Variants in CADM2 observed in about 807,000 individuals in gnomAD.
The protein encoded by CADM2 is immunoglobulin superfamily member 4D.
Under a neutral mutation model 49.8 loss-of-function variants are expected in CADM2, and 12 were observed. The observed-to-expected ratio is 0.24, with a 90% confidence interval of 0.15 to 0.39. CADM2 has a LOEUF of 0.39. Ranked by LOEUF, CADM2 falls within the 10% of genes least tolerant of loss-of-function variation. The pLI is 1.00. For missense variants in CADM2, 378 were observed against 492.3 expected, an observed-to-expected ratio of 0.77 and a Z score of 2.20; for synonymous variants, 214 against 175.4, an observed-to-expected ratio of 1.22 and a Z score of -1.74.
chr3:85,266,863 T>C (rs1046728319), intron 1 of CADM2, among the ~76,000 whole-genome samples: 2 of 151,818 alleles, frequency 1.3e-5, no homozygotes, highest in African/African-American at 4.8e-5. Flanking sequence ...ACTTAAAGCA[T>C]GAAAACATCC....
At chr3:85,087,614 A>G (rs1403708731) in intron 1 of CADM2, among the ~76,000 whole-genome samples, 1 of 152,318 alleles carries the variant, frequency 6.6e-6, no homozygotes, top group East Asian at 1.9e-4. Context: ...CATCTTCAAC[A>G]TGTTACTCTT....
At chr3:85,852,190 T>C (rs951373461) in intron 3 of CADM2, among the ~76,000 whole-genome samples, 1 of 152,114 alleles carries the variant, frequency 6.6e-6, no homozygotes, top group Non-Finnish European at 1.5e-5. Flanking sequence ...ATATACCATC[T>C]ATATGCTACT....
intron 1 of CADM2, among the ~76,000 whole-genome samples, chr3:85,557,154 A>G (rs1003843393): frequency 3.9e-5 from 6 of 152,068 alleles, no homozygotes; most frequent in African/African-American, 1.4e-4. Flanking sequence ...TAGATTTCCT[A>G]TAAGAATGAG....
chr3:85,734,311 C>T (rs1369071068), intron 2 of CADM2, among the ~76,000 whole-genome samples: 1 of 151,902 alleles, frequency 6.6e-6, no homozygotes, highest in Non-Finnish European at 1.5e-5. Flanking sequence ...TCAGGAAATT[C>T]AATGCCCAAA....
At chr3:85,411,447 TATTA>T (rs2035651506) in intron 1 of CADM2, among the ~76,000 whole-genome samples, 1 of 152,224 alleles carries the variant, frequency 6.6e-6, no homozygotes, top group African/African-American at 2.4e-5. Context: ...TACTTTAGTT[TATTA>T]ATTAATTGAT....
chr3:85,101,736 A>T (rs2038020901), intron 1 of CADM2, among the ~76,000 whole-genome samples: 1 of 152,222 alleles, frequency 6.6e-6, no homozygotes, highest in Admixed American at 6.5e-5. Flanking sequence ...AATTTGGTAG[A>T]GTTACTGAGT....
chr3:86,043,126 C>A (rs1358562755), intron 8 of CADM2, among the ~76,000 whole-genome samples: 1 of 152,154 alleles, frequency 6.6e-6, no homozygotes, highest in Non-Finnish European at 1.5e-5. Flanking sequence ...CAATATCGTA[C>A]TGAATGGGCA....
At chr3:85,833,176 G>A (rs60570867) in intron 3 of CADM2, among the ~76,000 whole-genome samples, 5,648 of 151,774 alleles carry the variant, frequency 0.037, 326 homozygotes, top group African/African-American at 0.13. Flanking sequence ...TTACTTAATC[G>A]TGGCGAATTA....
At chr3:85,167,550 G>A (rs553315310) in intron 1 of CADM2, among the ~76,000 whole-genome samples, 3 of 152,206 alleles carry the variant, frequency 2.0e-5, no homozygotes, top group African/African-American at 4.8e-5. Flanking sequence ...TGCATGGAGA[G>A]CTGTCTTCCT....
At chr3:85,959,532 G>A (rs114154499) in intron 7 of CADM2, among the ~76,000 whole-genome samples, 1,671 of 151,944 alleles carry the variant, frequency 0.011, 24 homozygotes, top group African/African-American at 0.036. Context: ...GCATCTCAGA[G>A]CAAAAGATTC....
intron 1 of CADM2, among the ~76,000 whole-genome samples, chr3:85,643,544 C>T (rs1400657995): frequency 1.3e-5 from 2 of 152,022 alleles, no homozygotes; most frequent in African/African-American, 4.8e-5. Context: ...GCTTGATTTA[C>T]TGAAATTACA....
intron 8 of CADM2, among the ~76,000 whole-genome samples, chr3:85,962,959 A>C (rs571595478): frequency 6.6e-6 from 1 of 151,918 alleles, no homozygotes; most frequent in Non-Finnish European, 1.5e-5. Flanking sequence ...TTTGTTCCAT[A>C]CCTTTCCAAA....
chr3:85,818,701 C>T (rs2073373022), intron 3 of CADM2, among the ~76,000 whole-genome samples: 1 of 151,788 alleles, frequency 6.6e-6, no homozygotes, highest in African/African-American at 2.4e-5. Flanking sequence ...AAAGTTAGAA[C>T]ACTGAAAAAA....
At chr3:85,289,019 G>C (rs1281159469) in intron 1 of CADM2, among the ~76,000 whole-genome samples, 1 of 152,032 alleles carries the variant, frequency 6.6e-6, no homozygotes. Context: ...CTATGTACCA[G>C]GCATTTTGCT....
At chr3:86,035,981 G>A (rs1411260971) in intron 8 of CADM2, among the ~76,000 whole-genome samples, 1 of 152,026 alleles carries the variant, frequency 6.6e-6, no homozygotes, top group Non-Finnish European at 1.5e-5. Context: ...AAACTCTTGT[G>A]TCTCTTCTGT....
intron 1 of CADM2, among the ~76,000 whole-genome samples, chr3:85,551,011 T>C (rs917763129): frequency 6.6e-6 from 1 of 151,986 alleles, no homozygotes; most frequent in Non-Finnish European, 1.5e-5. Flanking sequence ...TGAGACAGGG[T>C]CTCACTCTGC....
intron 1 of CADM2, among the ~76,000 whole-genome samples, chr3:85,422,340 C>T (rs2036210000): frequency 6.6e-6 from 1 of 152,068 alleles, no homozygotes; most frequent in Admixed American, 6.5e-5. Flanking sequence ...TGCAGTGGTG[C>T]AATCTCAGCT....
intron 1 of CADM2, among the ~76,000 whole-genome samples, chr3:85,155,730 A>G (rs2040088698): frequency 6.6e-6 from 1 of 152,192 alleles, no homozygotes; most frequent in South Asian, 2.1e-4. Context: ...CTGAAATTAT[A>G]ACAAACTATC....
chr3:86,012,542 A>G (rs1476251650), intron 8 of CADM2: 5 of 1,442,788 alleles, frequency 3.5e-6, no homozygotes, highest in Non-Finnish European at 4.7e-6. Context: ...GGGCTGGGCC[A>G]GCCAGCGGGC....
Sources: allele counts gnomAD v4.1 joint callset (sites outside exome capture counted in the v4.1 genomes callset), GRCh38; gene constraint gnomAD v4.1.1; transcripts MANE v1.5; gene names NCBI Gene and HGNC (gene_info 2026-07-23, HGNC 2026-07-21).